FUT9: variants seen among roughly 807,000 people sequenced by gnomAD.
FUT9 encodes fucosyltransferase 9.
Under a neutral mutation model 29.7 loss-of-function variants are expected in FUT9, and 15 were observed. That is an observed-to-expected ratio of 0.51 (90% CI 0.34 to 0.78). The LOEUF (loss-of-function observed/expected upper bound fraction) is 0.78. FUT9 is among the 30% of genes least tolerant of loss of function. The probability of loss-of-function intolerance (pLI) is 0.01; values close to 1 mark genes in which losing one functional copy is unlikely to be tolerated. For synonymous variants in FUT9, 169 were observed against 153.7 expected (o/e 1.10, Z -0.74); for missense variants, 319 against 425.4 (o/e 0.75, Z 2.20).
chr6:96,118,815 C>A (rs1771964548), intron 2 of FUT9, among the ~76,000 whole-genome samples: 1 of 151,920 alleles, frequency 6.6e-6, no homozygotes, highest in African/African-American at 2.4e-5. Context: ...ATGATCTTCA[C>A]CCTGTGTAGA....
At chr6:96,150,075 A>G (rs1772647584) in intron 2 of FUT9, among the ~76,000 whole-genome samples, 1 of 152,160 alleles carries the variant, frequency 6.6e-6, no homozygotes, top group Non-Finnish European at 1.5e-5. Flanking sequence ...AGAGCAAAAG[A>G]TAAACTCTGC....
In FUT9 at chr6:96,205,034, A is replaced by G. The variant is rs947564600; in HGVS notation, c.*799A>G. 1 of 165,942 alleles carries G rather than the reference A, an allele frequency of 6.0e-6. No homozygotes were observed. Among genetic ancestry groups the G allele is most frequent in the South Asian group, 2.1e-4 (1 of 4,834 alleles). The allele number at this position is 165,942 out of a possible 1,614,324, so 10.3% of individuals were successfully genotyped here. ...TGACACTCATTGTCATAATAAAACA[A>G]ATAATTTCCTCAAATAACAAAGAAA... On this transcript the variant is annotated 3_prime_UTR_variant, in exon 3 of 3. Transcript: ENST00000302103.
intron 1 of FUT9, among the ~76,000 whole-genome samples, chr6:96,069,499 T>C (rs898466544): frequency 1.3e-5 from 2 of 152,090 alleles, no homozygotes; most frequent in Non-Finnish European, 2.9e-5. Flanking sequence ...AAAATCTCAA[T>C]AGAATACCTT....
chr6:96,085,165 A>G (rs1174554016), intron 1 of FUT9, among the ~76,000 whole-genome samples: 1 of 152,230 alleles, frequency 6.6e-6, no homozygotes, highest in Non-Finnish European at 1.5e-5. Flanking sequence ...TGCCATGTAC[A>G]GGGCACTATT....
At chr6:96,203,029 T>C (rs1244956595) in intron 2 of FUT9, 119 bp from the exon 3 acceptor site, 5 of 719,688 alleles carry the variant, frequency 6.9e-6, no homozygotes, top group Non-Finnish European at 1.1e-5. Flanking sequence ...AAAAGGAAAA[T>C]GCAGTTGATT....
intron 2 of FUT9, among the ~76,000 whole-genome samples, chr6:96,193,388 C>T (rs4568461): frequency 0.89 from 83,364 of 93,798 alleles, 38,841 homozygotes; most frequent in Non-Finnish European, 1. Context: ...AGAAAGTGGG[C>T]GAAGGATGTG....
intron 2 of FUT9, among the ~76,000 whole-genome samples, chr6:96,164,192 G>T (rs1772967787): frequency 6.7e-6 from 1 of 150,090 alleles, no homozygotes; most frequent in African/African-American, 2.4e-5. Context: ...TTTCTCTAAA[G>T]ACCTGGAATC....
intron 2 of FUT9, among the ~76,000 whole-genome samples, chr6:96,195,218 A>G (rs879569624): frequency 6.6e-6 from 1 of 152,196 alleles, no homozygotes; most frequent in Non-Finnish European, 1.5e-5. Context: ...AAAGACATGC[A>G]TTGGACTGTC....
rs17726854 is a variant in FUT9 at position 96,214,927 on chromosome 6, C to T, written c.*10692C>T. The T allele has an allele frequency of 0.023, 3,824 of 166,996 alleles. 84 individuals carry two copies. Among genetic ancestry groups the T allele is most frequent in the South Asian group, 0.1 (504 of 4,818 alleles). The allele number at this position is 166,996 out of a possible 1,614,324, so 10.3% of individuals were successfully genotyped here. The stretch of plus-strand genomic sequence containing the variant: ...AGAAAAATTGACTGTAGCTATTATT[C>T]CAAGTGAAAATCATGCAGCTGAGTC... On this transcript the variant is annotated 3_prime_UTR_variant, in exon 3 of 3. Coordinates refer to ENST00000302103, the MANE Select transcript of FUT9 (RefSeq NM_006581.4).
intron 2 of FUT9, among the ~76,000 whole-genome samples, chr6:96,175,419 T>C (rs1384284673): frequency 2.0e-5 from 3 of 152,214 alleles, no homozygotes; most frequent in African/African-American, 7.2e-5. Context: ...CTAATAAATG[T>C]GTAAGCTATA....
chr6:96,141,431 G>GACT, intron 2 of FUT9, among the ~76,000 whole-genome samples: 1 of 152,226 alleles, frequency 6.6e-6, no homozygotes, highest in South Asian at 2.1e-4. Context: ...GGTAAGTCCT[G>GACT]TAAAAAAGAC....
Position 96,185,202 on chromosome 6 carries a change from G to A in FUT9, c.-8-17946G>A, listed in dbSNP as rs1013335586. Among the ~76,000 whole-genome samples, 7 of 151,918 alleles carry A rather than the reference G, an allele frequency of 4.6e-5. No individual in the cohort carries two copies. The East Asian group carries it at 1.2e-3, about 25-fold the overall frequency. On this transcript the variant is annotated intron_variant, in intron 2 of 2. Transcript: ENST00000302103. Reference sequence around the variant, plus strand: ...AGGCGGGAATAACACTCAAGCCATCGTGTTTGTTTTGAATTGGAGGAAAGC... The same window carrying A: ...AGGCGGGAATAACACTCAAGCCATCATGTTTGTTTTGAATTGGAGGAAAGC...
At chr6:96,172,745 C>T (rs1725266436) in intron 2 of FUT9, among the ~76,000 whole-genome samples, 1 of 152,038 alleles carries the variant, frequency 6.6e-6, no homozygotes, top group South Asian at 2.1e-4. Context: ...ATTGTCTGCA[C>T]AATACATTGA....
rs558800748 is a variant in FUT9, at chr6:96,028,579, T to A, written c.-98+12367T>A. ...AAATCTTTGAAACACTGACTGGCACTGTAAATTCTAATTCAATAAATGTTA... is the reference window on the plus strand; with the variant it reads ...AAATCTTTGAAACACTGACTGGCACAGTAAATTCTAATTCAATAAATGTTA... On this transcript the variant is annotated intron_variant, in intron 1 of 2. Transcript: ENST00000302103. 5.9e-5 allele frequency among the ~76,000 whole-genome samples: 9 copies of A among 151,744 alleles called. 1 individual carries two copies. In the South Asian group the frequency reaches 1.7e-3, roughly 28 times the overall value.
intron 1 of FUT9, among the ~76,000 whole-genome samples, chr6:96,053,259 T>C (rs1217097770): frequency 6.6e-6 from 1 of 152,198 alleles, no homozygotes; most frequent in Non-Finnish European, 1.5e-5. Context: ...ATTTGGTCAT[T>C]TCACTTACTT....
intron 1 of FUT9, among the ~76,000 whole-genome samples, chr6:96,071,062 T>C (rs1771050471): frequency 6.6e-6 from 1 of 152,222 alleles, no homozygotes; most frequent in African/African-American, 2.4e-5. Context: ...ACAATCTCAG[T>C]CTATCAAGGT....
chr6:96,169,971 A>G (rs1773082099), intron 2 of FUT9, among the ~76,000 whole-genome samples: 1 of 152,172 alleles, frequency 6.6e-6, no homozygotes, highest in Admixed American at 6.5e-5. Context: ...TAATTATAAA[A>G]CAAGTAATTC....
intron 1 of FUT9, among the ~76,000 whole-genome samples, chr6:96,026,772 A>T (rs1770176149): frequency 6.6e-6 from 1 of 151,696 alleles, no homozygotes; most frequent in Non-Finnish European, 1.5e-5. Context: ...TTGTATTAAC[A>T]CAATGGCAGG....
intron 1 of FUT9, among the ~76,000 whole-genome samples, chr6:96,043,114 C>T (rs894022784): frequency 5.9e-5 from 9 of 152,258 alleles, no homozygotes; most frequent in African/African-American, 1.2e-4. Context: ...TGCGGTGGCG[C>T]GATCTCGGCT....
Sources: gnomAD v4.1 joint callset for allele counts (sites outside exome capture counted in the v4.1 genomes callset) on GRCh38, gnomAD v4.1.1 for gene constraint, MANE v1.5 for transcripts, NCBI Gene and HGNC (gene_info 2026-07-23, HGNC 2026-07-21) for gene names.